The following C1QTNF3 variants were observed in gnomAD, a reference collection of about 807,000 sequenced individuals.
The protein encoded by C1QTNF3 is C1q and TNF related 3.
In C1QTNF3, 26 loss-of-function variants were observed where a neutral mutation model predicts 32.6. The ratio of observed to expected loss-of-function variants is 0.80; its 90% CI spans 0.58 to 1.11. The LOEUF (loss-of-function observed/expected upper bound fraction) is 1.11. C1QTNF3 is among the 50% of genes least tolerant of loss of function. C1QTNF3 has a pLI of 0.00. For missense variants in C1QTNF3, 362 were observed against 398.2 expected (o/e 0.91, Z 0.77); for synonymous variants, 155 against 146.0 (o/e 1.06, Z -0.44).
At chr5:34,181,183 A>G in the C1QTNF3 span, among the ~76,000 whole-genome samples, 1 of 152,310 alleles carries the variant, frequency 6.6e-6, no homozygotes, top group African/African-American at 2.4e-5. Context: ...GGCACAGGAC[A>G]GAACAGAACC....
chr5:34,039,443 T>C (rs1379468930), intron 1 of C1QTNF3, among the ~76,000 whole-genome samples: 1 of 152,184 alleles, frequency 6.6e-6, no homozygotes, highest in Non-Finnish European at 1.5e-5. Flanking sequence ...TGACCCTCAA[T>C]GGAATTGAGG....
At chr5:34,231,606 C>T in the C1QTNF3 span, among the ~76,000 whole-genome samples, 4 of 152,196 alleles carry the variant, frequency 2.6e-5, no homozygotes, top group Admixed American at 2.0e-4. Context: ...AGGCACTACT[C>T]AGGCCATTGC....
chr5:34,195,343 G>C, the C1QTNF3 span, among the ~76,000 whole-genome samples: 419 of 95,562 alleles, frequency 4.4e-3, no homozygotes, highest in Middle Eastern at 0.013. Flanking sequence ...AAATATATTT[G>C]TAATTGTTAG....
chr5:34,234,919 G>T, the C1QTNF3 span, among the ~76,000 whole-genome samples: 76 of 152,032 alleles, frequency 5.0e-4, no homozygotes, highest in Admixed American at 3.1e-3. Context: ...CTCACAATAG[G>T]CTTATTATAC....
At chr5:34,210,653 A>G in the C1QTNF3 span, among the ~76,000 whole-genome samples, 2 of 152,088 alleles carry the variant, frequency 1.3e-5, no homozygotes, top group Non-Finnish European at 1.5e-5. Context: ...GCCATTGGAT[A>G]GAAGACAGAC....
At chr5:34,176,059 G>A in the C1QTNF3 span, 15 of 605,786 alleles carry the variant, frequency 2.5e-5, no homozygotes, top group South Asian at 2.7e-4. Flanking sequence ...TGTCCTCACT[G>A]GGGGCTGTAG....
the C1QTNF3 span, among the ~76,000 whole-genome samples, chr5:34,083,116 T>A: frequency 5.9e-5 from 9 of 151,312 alleles, no homozygotes; most frequent in Admixed American, 5.9e-4. Flanking sequence ...ATTTTTTAAA[T>A]GACTATAGAA....
chr5:34,234,013 A>T, the C1QTNF3 span, among the ~76,000 whole-genome samples: 3 of 152,134 alleles, frequency 2.0e-5, no homozygotes, highest in African/African-American at 7.2e-5. Context: ...TAGTACCCAC[A>T]ATATAAGTTT....
chr5:34,131,309 ATTTT>A, the C1QTNF3 span, among the ~76,000 whole-genome samples: 2 of 151,364 alleles, frequency 1.3e-5, no homozygotes, highest in African/African-American at 4.9e-5. Flanking sequence ...TCTTCCACTT[ATTTT>A]TTTAACCTAG....
the C1QTNF3 span, among the ~76,000 whole-genome samples, chr5:34,054,721 T>C: frequency 6.6e-6 from 1 of 151,262 alleles, no homozygotes; most frequent in Non-Finnish European, 1.5e-5. Context: ...AAAAGGGCAA[T>C]AAGTGGTGAT....
chr5:34,175,596 T>TC, the C1QTNF3 span: 2 of 440,668 alleles, frequency 4.5e-6, no homozygotes, highest in South Asian at 4.6e-5. Context: ...TAGCAGACTC[T>TC]CATGTTTGCT....
the C1QTNF3 span, among the ~76,000 whole-genome samples, chr5:34,109,724 T>A: frequency 2.0e-5 from 3 of 152,248 alleles, no homozygotes; most frequent in African/African-American, 4.8e-5. Flanking sequence ...TCCAGAGACA[T>A]CCAGGTTCAA....
the C1QTNF3 span, among the ~76,000 whole-genome samples, chr5:34,054,055 G>C: frequency 1.3e-5 from 2 of 152,204 alleles, no homozygotes; most frequent in East Asian, 3.8e-4. Context: ...GGTCTCAGCT[G>C]TTATAATTAG....
At chr5:34,174,161 G>A in the C1QTNF3 span, among the ~76,000 whole-genome samples, 8 of 152,192 alleles carry the variant, frequency 5.3e-5, no homozygotes, top group South Asian at 4.1e-4. Flanking sequence ...AGGTTTAAGC[G>A]ATTCTCATGC....
At chr5:34,153,923 A>T in the C1QTNF3 span, among the ~76,000 whole-genome samples, 1 of 151,636 alleles carries the variant, frequency 6.6e-6, no homozygotes, top group Non-Finnish European at 1.5e-5. Context: ...TAGATGTGTT[A>T]ACTGACTTGA....
At chr5:34,038,026 G>A (rs972729274) in intron 1 of C1QTNF3, among the ~76,000 whole-genome samples, 3 of 152,174 alleles carry the variant, frequency 2.0e-5, no homozygotes, top group African/African-American at 7.2e-5. Context: ...TGGAAATACT[G>A]AGATGCTTAG....
chr5:34,038,315 C>T (rs1264962202), intron 1 of C1QTNF3, among the ~76,000 whole-genome samples: 1 of 152,108 alleles, frequency 6.6e-6, no homozygotes, highest in Non-Finnish European at 1.5e-5. Context: ...AGGACAAAAG[C>T]TTGCTTGATC....
At chr5:34,084,010 TC>T in the C1QTNF3 span, among the ~76,000 whole-genome samples, 1 of 151,802 alleles carries the variant, frequency 6.6e-6, no homozygotes, top group Non-Finnish European at 1.5e-5. Flanking sequence ...ATCTAGCCAT[TC>T]CCCTATTGCT....
the C1QTNF3 span, among the ~76,000 whole-genome samples, chr5:34,244,052 G>A: frequency 6.6e-6 from 1 of 152,178 alleles, no homozygotes; most frequent in Non-Finnish European, 1.5e-5. Context: ...AATGTCTACA[G>A]GTTTCTAAAT....
Sources: gnomAD v4.1 joint callset for allele counts (sites outside exome capture counted in the v4.1 genomes callset) on GRCh38, gnomAD v4.1.1 for gene constraint, MANE v1.5 for transcripts, NCBI Gene and HGNC (gene_info 2026-07-23, HGNC 2026-07-21) for gene names.